Variants in RAP1GDS1 observed in about 807,000 individuals in gnomAD.
RAP1GDS1 encodes Rap1 GTPase-GDP dissociation stimulator 1, also known as RAP1, GTP-GDP dissociation stimulator 1.
In RAP1GDS1, 35 loss-of-function variants were observed where a neutral mutation model predicts 71.1. That is an observed-to-expected ratio of 0.49 (90% CI 0.38 to 0.65). The LOEUF (loss-of-function observed/expected upper bound fraction) is 0.65. Among genes scored for constraint, RAP1GDS1 ranks in the 30% least tolerant of loss-of-function variants. RAP1GDS1 has a pLI of 0.00. For synonymous variants in RAP1GDS1, 229 were observed against 243.1 expected, an observed-to-expected ratio of 0.94 and a Z score of 0.54; for missense variants, 663 against 706.1, an observed-to-expected ratio of 0.94 and a Z score of 0.69.
In RAP1GDS1 at chr4:98,416,764, G is replaced by A. The variant is rs1038493134; in HGVS notation, c.783G>A (p.Leu261=). The change falls in exon 8 of 15, where the codon CTG becomes CTA. Residue 261 remains leucine, a synonymous_variant. Coordinates refer to ENST00000408927, the MANE Select transcript of RAP1GDS1 (RefSeq NM_001100427.2). Reference sequence around the variant, plus strand: ...CTTTAGATGCTATTAAACTACAGCTGGTTGAAGCAGGCCTAGTAGAGTGTC... The same window carrying A: ...CTTTAGATGCTATTAAACTACAGCTAGTTGAAGCAGGCCTAGTAGAGTGTC... The part of the protein sequence containing the change: ...LAENDAIKLQ[L]VEAGLVECLL... The A allele has an allele frequency of 6.2e-7, 1 of 1,605,404 alleles. No individual in the cohort carries two copies. Among genetic ancestry groups the A allele is most frequent in the Non-Finnish European group, 8.5e-7 (1 of 1,172,908 alleles).
At chr4:98,390,981 C>CATT (rs1743542229) in intron 5 of RAP1GDS1, among the ~76,000 whole-genome samples, 1 of 152,002 alleles carries the variant, frequency 6.6e-6, no homozygotes, top group Admixed American at 6.6e-5. Context: ...AATGGCATAT[C>CATT]ATTTTAATGA....
chr4:98,413,369 G>C (rs1442309279), intron 7 of RAP1GDS1, among the ~76,000 whole-genome samples: 22 of 140,288 alleles, frequency 1.6e-4, no homozygotes, highest in African/African-American at 4.0e-4. Context: ...ATCCCTCCCC[G>C]CTCCCCCCAC....
intron 2 of RAP1GDS1, among the ~76,000 whole-genome samples, chr4:98,304,957 T>C (rs1476054889): frequency 6.6e-6 from 1 of 152,162 alleles, no homozygotes; most frequent in Non-Finnish European, 1.5e-5. Flanking sequence ...AGGGAATCCT[T>C]GTCGAAGAGC....
intron 2 of RAP1GDS1, among the ~76,000 whole-genome samples, chr4:98,317,017 G>T (rs1024544560): frequency 1.3e-5 from 2 of 152,140 alleles, no homozygotes; most frequent in South Asian, 4.1e-4. Context: ...TATGGTTTGG[G>T]AGATTGTGAT....
At chr4:98,298,669 T>C (rs1364261449) in intron 2 of RAP1GDS1, among the ~76,000 whole-genome samples, 1 of 152,202 alleles carries the variant, frequency 6.6e-6, no homozygotes, top group Non-Finnish European at 1.5e-5. Context: ...ACAATGCACC[T>C]GGTCACCCAA....
intron 4 of RAP1GDS1, among the ~76,000 whole-genome samples, chr4:98,353,783 T>A (rs1737552875): frequency 6.6e-6 from 1 of 152,184 alleles, no homozygotes; most frequent in Non-Finnish European, 1.5e-5. Flanking sequence ...CATAGGGTAT[T>A]AGCTTTATTT....
chr4:98,336,029 C>G (rs1174617899), intron 2 of RAP1GDS1, among the ~76,000 whole-genome samples: 1 of 152,082 alleles, frequency 6.6e-6, no homozygotes, highest in African/African-American at 2.4e-5. Flanking sequence ...GATGCTAAAT[C>G]TCTTTATCTT....
At chr4:98,296,851 C>T (rs1384601837) in intron 2 of RAP1GDS1, 1 of 354,384 alleles carries the variant, frequency 2.8e-6, no homozygotes, top group Non-Finnish European at 5.5e-6. Flanking sequence ...AAATTAAAGT[C>T]CCAAAGGCAA....
At chr4:98,407,866 T>C (rs1746380157) in intron 7 of RAP1GDS1, among the ~76,000 whole-genome samples, 1 of 151,858 alleles carries the variant, frequency 6.6e-6, no homozygotes, top group Non-Finnish European at 1.5e-5. Flanking sequence ...GAAGGAAATG[T>C]AAAGAGCTGA....
chr4:98,324,541 C>G (rs1187456867), intron 2 of RAP1GDS1, among the ~76,000 whole-genome samples: 1 of 146,020 alleles, frequency 6.8e-6, no homozygotes, highest in Non-Finnish European at 1.5e-5. Flanking sequence ...CTACAGTAAC[C>G]AAAACAGCAT....
rs1422986878 is a variant in RAP1GDS1, at chr4:98,442,169, C to T, written c.*52C>T. 1.3e-6 allele frequency: 2 copies of T among 1,591,558 alleles called. No homozygotes were observed. The highest frequency in any genetic ancestry group is 1.3e-5 in the African/African-American group (1 of 74,662). ...CATCTCTAATTTCCCCTCTGTCCTC[C>T]ATCCAGCGGCTTCTTCCGCTTCATT... On this transcript the variant is annotated 3_prime_UTR_variant, in exon 15 of 15. Coordinates refer to ENST00000408927, the MANE Select transcript of RAP1GDS1 (RefSeq NM_001100427.2).
At chr4:98,339,591 A>G (rs1458007925) in intron 2 of RAP1GDS1, among the ~76,000 whole-genome samples, 1 of 151,712 alleles carries the variant, frequency 6.6e-6, no homozygotes, top group African/African-American at 2.4e-5. Flanking sequence ...ACAAGTAGCC[A>G]TTCATTTGGA....
intron 1 of RAP1GDS1, 150 bp downstream of exon 1, chr4:98,261,719 A>C: frequency 1.9e-6 from 2 of 1,053,402 alleles, no homozygotes; most frequent in Non-Finnish European, 2.7e-6. Context: ...GAGTCGGCGC[A>C]CGCGGAACGC....
At chr4:98,352,326 CA>C in intron 3 of RAP1GDS1, 149 bp from the exon 4 acceptor site, 1 of 749,148 alleles carries the variant, frequency 1.3e-6, no homozygotes, top group Non-Finnish European at 2.1e-6. Flanking sequence ...TACTTTTGTA[CA>C]GAAATGTACT....
At chr4:98,387,153 G>A (rs1742891451) in intron 5 of RAP1GDS1, among the ~76,000 whole-genome samples, 1 of 152,106 alleles carries the variant, frequency 6.6e-6, no homozygotes, top group Non-Finnish European at 1.5e-5. Context: ...ACGTACTAAT[G>A]TACAGACTGT....
intron 7 of RAP1GDS1, among the ~76,000 whole-genome samples, chr4:98,412,506 C>T (rs1747222228): frequency 6.6e-6 from 1 of 152,178 alleles, no homozygotes; most frequent in Non-Finnish European, 1.5e-5. Context: ...CGGAGCGAGA[C>T]ACTGTCTCTT....
At chr4:98,356,244 G>A (rs1206902115) in intron 4 of RAP1GDS1, among the ~76,000 whole-genome samples, 1 of 152,008 alleles carries the variant, frequency 6.6e-6, no homozygotes, top group Non-Finnish European at 1.5e-5. Flanking sequence ...GCATGCCTTT[G>A]GCCTATTTAC....
At chr4:98,359,839 G>T (rs934842398) in intron 4 of RAP1GDS1, among the ~76,000 whole-genome samples, 3 of 152,164 alleles carry the variant, frequency 2.0e-5, no homozygotes, top group Non-Finnish European at 4.4e-5. Flanking sequence ...ATTACAGGAG[G>T]CCGGGTGTGG....
At chr4:98,336,664 C>T (rs1257177690) in intron 2 of RAP1GDS1, among the ~76,000 whole-genome samples, 2 of 152,012 alleles carry the variant, frequency 1.3e-5, no homozygotes, top group Admixed American at 1.3e-4. Flanking sequence ...TTAAGATCCT[C>T]AATCAGTTTT....
Sources: gnomAD v4.1 joint callset for allele counts (sites outside exome capture counted in the v4.1 genomes callset) on GRCh38, gnomAD v4.1.1 for gene constraint, MANE v1.5 for transcripts, NCBI Gene and HGNC (gene_info 2026-07-23, HGNC 2026-07-21) for gene names.